ANXA6: variants seen among roughly 807,000 people sequenced by gnomAD.
ANXA6 encodes annexin A6.
A neutral mutation model predicts 95.4 loss-of-function variants in ANXA6; 71 were observed. The observed-to-expected ratio is 0.74, with a 90% CI of 0.61 to 0.91. The LOEUF is 0.91. ANXA6 is among the 40% of genes least tolerant of loss of function. The probability of loss-of-function intolerance (pLI) is 0.00; values close to 1 mark genes in which losing one functional copy is unlikely to be tolerated. For missense variants in ANXA6, 830 were observed against 876.4 expected (o/e 0.95, Z 0.67); for synonymous variants, 289 against 315.9 (o/e 0.91, Z 0.90).
chr5:151,138,420 C>T (rs113537268), intron 5 of ANXA6, among the ~76,000 whole-genome samples: 1 of 152,120 alleles, frequency 6.6e-6, no homozygotes, highest in Non-Finnish European at 1.5e-5. Flanking sequence ...GTGTTGGACA[C>T]AATTTGTCTC....
intron 1 of ANXA6, chr5:151,154,942 T>C (rs1766197547): frequency 6.7e-6 from 1 of 149,876 alleles, no homozygotes; most frequent in Admixed American, 6.7e-5. Flanking sequence ...TGTGCAAGTA[T>C]TGAGCCTCTC....
At position 151,138,767 on chromosome 5, in the gene ANXA6, C is replaced by T; in HGVS notation, c.229G>A (p.Glu77Lys). 1 of 1,613,770 alleles carries T rather than the reference C, an allele frequency of 6.2e-7. No homozygotes were observed. The highest frequency in any genetic ancestry group is 8.5e-7 in the Non-Finnish European group (1 of 1,179,744). ...GKDLIADLKY[E>K]LTGKFERLIV... ...AACCGTTCAAACTTGCCCGTCAATT[C>T]ATACTTTAAATCAGCAATGAGGTCC... The change falls in exon 5 of 26, where the codon GAA (glutamate) becomes AAA (lysine). Residue 77 changes from glutamate to lysine, a missense_variant. Transcript: ENST00000354546.
intron 2 of ANXA6, among the ~76,000 whole-genome samples, chr5:151,146,254 G>A (rs1765973213): frequency 6.6e-6 from 1 of 152,242 alleles, no homozygotes; most frequent in Non-Finnish European, 1.5e-5. Flanking sequence ...GAATCCTGCA[G>A]TTCAAATGCC....
chr5:151,116,467 G>A (rs1442483240), intron 20 of ANXA6, among the ~76,000 whole-genome samples: 1 of 152,182 alleles, frequency 6.6e-6, no homozygotes, highest in Non-Finnish European at 1.5e-5. Context: ...TGAATTTGGG[G>A]TTGTCCAACC....
At chr5:151,136,762 C>T (rs1265157180) in intron 6 of ANXA6, among the ~76,000 whole-genome samples, 1 of 152,222 alleles carries the variant, frequency 6.6e-6, no homozygotes, top group Non-Finnish European at 1.5e-5. Context: ...CTGTCCTCTA[C>T]CTGTCTAGCC....
intron 5 of ANXA6, among the ~76,000 whole-genome samples, chr5:151,137,760 C>A (rs1306994211): frequency 6.6e-6 from 1 of 152,176 alleles, no homozygotes; most frequent in Non-Finnish European, 1.5e-5. Context: ...AGACTGGAAG[C>A]TTCTTGAGGC....
chr5:151,131,382 G>T, intron 10 of ANXA6, 93 bp from the exon 11 acceptor site: 1 of 1,312,110 alleles, frequency 7.6e-7, no homozygotes, highest in Non-Finnish European at 1.1e-6. Flanking sequence ...TTCCTTGAGG[G>T]CCACCTAGCT....
intron 6 of ANXA6, among the ~76,000 whole-genome samples, 192 bp from the exon 7 acceptor site, chr5:151,136,527 C>T (rs1242131103): frequency 1.3e-5 from 2 of 152,210 alleles, no homozygotes; most frequent in Admixed American, 6.5e-5. Context: ...GAAATGGAAT[C>T]TGTTCATTCT....
intron 5 of ANXA6, 87 bp downstream of exon 5, chr5:151,138,591 G>T: frequency 1.1e-6 from 1 of 888,060 alleles, no homozygotes; most frequent in Non-Finnish European, 1.8e-6. Context: ...GGTGGGTATG[G>T]GGCTCACCAG....
At chr5:151,109,619 C>T in intron 22 of ANXA6, 134 bp downstream of exon 22, 1 of 677,644 alleles carries the variant, frequency 1.5e-6, no homozygotes, top group Non-Finnish European at 2.6e-6. Flanking sequence ...TCGCCGTCAC[C>T]CATGACACGC....
chr5:151,107,616 C>T (rs1242489025), intron 23 of ANXA6, among the ~76,000 whole-genome samples: 2 of 152,142 alleles, frequency 1.3e-5, no homozygotes, highest in Non-Finnish European at 1.5e-5. Context: ...CCACGGATAC[C>T]TCTTGGTAAG....
At chr5:151,104,300 C>T (rs1400311557) in intron 24 of ANXA6, among the ~76,000 whole-genome samples, 1 of 152,162 alleles carries the variant, frequency 6.6e-6, no homozygotes. Flanking sequence ...TACACCAGCC[C>T]TAGGAAACTA....
chr5:151,103,462 T>C lies in ANXA6; in HGVS notation c.1962+108A>G. Reference sequence around the variant, plus strand: ...TTTCATTTCAATATCCTGGCTGTTCTAAGCGGTAACCCACTGGAAAAAAGT... The same window carrying C: ...TTTCATTTCAATATCCTGGCTGTTCCAAGCGGTAACCCACTGGAAAAAAGT... On this transcript the variant is annotated intron_variant, in intron 25 of 25. Transcript: ENST00000354546. 5 of 1,114,056 alleles carry C rather than the reference T, an allele frequency of 4.5e-6. No individual in the cohort carries two copies. In the South Asian group the frequency reaches 9.1e-5, roughly 20 times the overall value. 69.0% of individuals were successfully genotyped at this position (1,114,056 alleles called of 1,614,324 possible).
chr5:151,148,199 C>T (rs771741290), intron 1 of ANXA6, among the ~76,000 whole-genome samples: 11 of 152,102 alleles, frequency 7.2e-5, no homozygotes, highest in Non-Finnish European at 1.6e-4. Context: ...CCCTTGACTC[C>T]TCCACACTAG....
intron 20 of ANXA6, 82 bp downstream of exon 20, chr5:151,117,045 G>A (rs778217349): frequency 7.5e-6 from 10 of 1,332,950 alleles, no homozygotes; most frequent in Non-Finnish European, 1.0e-5. Flanking sequence ...TCACAGACAG[G>A]GCCCGGCGTA....
At chr5:151,147,451 T>A (rs1040420353) in intron 2 of ANXA6, among the ~76,000 whole-genome samples, 1 of 151,976 alleles carries the variant, frequency 6.6e-6, no homozygotes, top group African/African-American at 2.4e-5. Flanking sequence ...TGGGCATGAG[T>A]TATGTTGTTT....
intron 1 of ANXA6, among the ~76,000 whole-genome samples, chr5:151,153,296 A>C (rs1019762290): frequency 6.6e-6 from 1 of 152,222 alleles, no homozygotes; most frequent in Non-Finnish European, 1.5e-5. Flanking sequence ...CAAAACTACC[A>C]AAGATTTAAG....
chr5:151,154,503 T>C (rs1352661534), intron 1 of ANXA6, among the ~76,000 whole-genome samples: 3 of 152,134 alleles, frequency 2.0e-5, no homozygotes, highest in African/African-American at 4.8e-5. Flanking sequence ...TCCATCCCAC[T>C]TAGAAGGCCC....
chr5:151,115,042 G>A (rs1307387620), intron 20 of ANXA6, among the ~76,000 whole-genome samples: 4 of 152,172 alleles, frequency 2.6e-5, no homozygotes, highest in Non-Finnish European at 5.9e-5. Flanking sequence ...ATTCATGAAT[G>A]TGATAAAAGA....
Sources: allele counts gnomAD v4.1 joint callset (sites outside exome capture counted in the v4.1 genomes callset), GRCh38; gene constraint gnomAD v4.1.1; transcripts MANE v1.5; gene names NCBI Gene and HGNC (gene_info 2026-07-23, HGNC 2026-07-21).